MYO5B: variants seen among roughly 807,000 people sequenced by gnomAD.
MYO5B encodes the protein unconventional myosin-Vb.
Under a neutral mutation model 229.3 loss-of-function variants are expected in MYO5B, and 143 were observed. That is an observed-to-expected ratio of 0.62 (90% CI 0.54 to 0.72). MYO5B has a LOEUF of 0.72. Among genes scored for constraint, MYO5B ranks in the 30% least tolerant of loss-of-function variants. The probability of loss-of-function intolerance (pLI) is 0.00; values close to 1 mark genes in which losing one functional copy is unlikely to be tolerated. For missense variants in MYO5B, 2,321 were observed against 2,331.0 expected, an observed-to-expected ratio of 1.00 and a Z score of 0.09; for synonymous variants, 918 against 885.2, an observed-to-expected ratio of 1.04 and a Z score of -0.66.
At chr18:49,867,708 G>T (rs1405056410) in intron 27 of MYO5B, among the ~76,000 whole-genome samples, 1 of 152,140 alleles carries the variant, frequency 6.6e-6, no homozygotes, top group African/African-American at 2.4e-5. Flanking sequence ...GCACAATTTT[G>T]AATAAGGGTT....
intron 22 of MYO5B, 154 bp from the exon 23 acceptor site, chr18:49,880,609 G>T (rs1178299246): frequency 1.1e-5 from 8 of 697,070 alleles, no homozygotes; most frequent in Non-Finnish European, 1.8e-5. Context: ...GAAAAATTGT[G>T]TACTGAAAGA....
intron 1 of MYO5B, among the ~76,000 whole-genome samples, chr18:50,167,004 G>A (rs1599072616): frequency 6.6e-6 from 1 of 152,286 alleles, no homozygotes; most frequent in Admixed American, 6.5e-5. Flanking sequence ...AAGACGCCTG[G>A]AAAGTCTTTA....
At chr18:49,931,547 G>C (rs1002897415) in intron 16 of MYO5B, among the ~76,000 whole-genome samples, 1 of 152,152 alleles carries the variant, frequency 6.6e-6, no homozygotes, top group African/African-American at 2.4e-5. Flanking sequence ...CTTAGTGCGA[G>C]GGCCTTACAG....
In MYO5B at chr18:49,962,548, C is replaced by T. The variant is rs540397634; in HGVS notation, c.1405-142G>A. 2.6e-4 allele frequency: 313 copies of T among 1,219,714 alleles called. 4 individuals are homozygous for T. The South Asian group carries it at 3.6e-3, about 14-fold the overall frequency. The allele number at this position is 1,219,714 out of a possible 1,614,324, so 75.6% of individuals were successfully genotyped here. A position where few individuals can be genotyped will look rare whatever the true frequency, so the allele number is the denominator to read the frequency against. On this transcript the variant is annotated intron_variant, in intron 11 of 39. Transcript: ENST00000285039. ...TTTGGATGCTAAGTCATAGTTATGACTGCAGAAAAGCAAAGCACAGTTAGG... is the reference window on the plus strand; with the variant it reads ...TTTGGATGCTAAGTCATAGTTATGATTGCAGAAAAGCAAAGCACAGTTAGG...
At chr18:50,189,142 G>A (rs76888397) in intron 1 of MYO5B, among the ~76,000 whole-genome samples, 14,061 of 152,236 alleles carry the variant, frequency 0.092, 1,035 homozygotes, top group African/African-American at 0.21. Context: ...AGGGGCCAAA[G>A]CCCTTGAGAT....
chr18:50,185,675 A>G (rs963043619), intron 1 of MYO5B, among the ~76,000 whole-genome samples: 2 of 152,262 alleles, frequency 1.3e-5, no homozygotes, highest in African/African-American at 4.8e-5. Flanking sequence ...ACTGTCAACA[A>G]AAAACAAAAG....
At position 49,994,138 on chromosome 18, in the gene MYO5B, A is replaced by G. The variant is rs535785617; in HGVS notation, c.613-1707T>C. 5.9e-5 allele frequency among the ~76,000 whole-genome samples: 9 copies of G among 152,110 alleles called. No individual in the cohort carries two copies. In the South Asian group the frequency reaches 1.7e-3, roughly 28 times the overall value. On this transcript the variant is annotated intron_variant, in intron 5 of 39. Coordinates refer to ENST00000285039, the MANE Select transcript of MYO5B (RefSeq NM_001080467.3). ...TCTTCAGGCAAGCAAGCCTTCCCTG[A>G]TCCCGAGACTAGGGGAGCACCTCCT...
chr18:49,976,023 T>C (rs1016098674), intron 9 of MYO5B, among the ~76,000 whole-genome samples: 4 of 152,372 alleles, frequency 2.6e-5, no homozygotes, highest in South Asian at 2.1e-4. Context: ...TGAGAAAACC[T>C]GCTCATCGTT....
chr18:49,876,933 CAT>C (rs1289989776), intron 25 of MYO5B, among the ~76,000 whole-genome samples: 3 of 152,220 alleles, frequency 2.0e-5, no homozygotes, highest in Admixed American at 1.3e-4. Flanking sequence ...AATCATATCA[CAT>C]GTTTCTTCCC....
chr18:50,006,177 G>GA (rs2026098982), intron 4 of MYO5B, among the ~76,000 whole-genome samples: 2 of 152,186 alleles, frequency 1.3e-5, no homozygotes, highest in African/African-American at 4.8e-5. Flanking sequence ...AGTAGGGGTA[G>GA]GGAAAAGCTT....
intron 9 of MYO5B, among the ~76,000 whole-genome samples, chr18:49,976,248 A>G (rs2025749473): frequency 6.6e-6 from 1 of 152,236 alleles, no homozygotes; most frequent in Non-Finnish European, 1.5e-5. Context: ...GGGCTTAATG[A>G]AAATTAACAC....
intron 8 of MYO5B, among the ~76,000 whole-genome samples, chr18:49,982,062 C>G (rs2025821615): frequency 6.6e-6 from 1 of 152,154 alleles, no homozygotes; most frequent in Non-Finnish European, 1.5e-5. Flanking sequence ...ACTCCCTAGA[C>G]AGTAGCTTTT....
intron 16 of MYO5B, among the ~76,000 whole-genome samples, chr18:49,934,904 A>C (rs2144206892): frequency 6.6e-6 from 1 of 152,336 alleles, no homozygotes; most frequent in East Asian, 1.9e-4. Context: ...GTTATTTCAC[A>C]GAAAGAAATT....
At chr18:50,071,918 A>G (rs1241173766) in intron 1 of MYO5B, among the ~76,000 whole-genome samples, 1 of 152,230 alleles carries the variant, frequency 6.6e-6, no homozygotes, top group Non-Finnish European at 1.5e-5. Context: ...ATTTCTGTTA[A>G]CAGGAGACAA....
At chr18:49,989,602 C>T (rs1233548390) in intron 7 of MYO5B, among the ~76,000 whole-genome samples, 1 of 152,152 alleles carries the variant, frequency 6.6e-6, no homozygotes, top group Non-Finnish European at 1.5e-5. Context: ...TAAGGACCCA[C>T]ACAGAGAAGG....
Position 49,864,009 on chromosome 18 carries a change from A to C in MYO5B, c.3843+132T>G, listed in dbSNP as rs1165248630. The C allele has an allele frequency of 2.2e-6, 3 of 1,366,518 alleles. No individual in the cohort carries two copies. In the African/African-American group the frequency reaches 4.3e-5, roughly 20 times the overall value. 84.6% of individuals were successfully genotyped at this position (1,366,518 alleles called of 1,614,324 possible). ...CAAGGCTTTTGCTCTGCCTTTTTGG[A>C]GGAGACCCCACAGCGAGAGACTCTG... is the stretch of plus-strand genomic sequence containing the variant. On this transcript the variant is annotated intron_variant, in intron 28 of 39. Transcript: ENST00000285039.
At position 49,962,977 on chromosome 18, in the gene MYO5B, T is replaced by C. The variant is rs1207737174; in HGVS notation, c.1376A>G (p.Asn459Ser). ...GTTGAACTGCTGCTGGAGCTTTTCA[T>C]TTGCATAGTTGATACAGAACTGCTC... is the stretch of plus-strand genomic sequence containing the variant. ...SFEQFCINYA[N>S]EKLQQQFNSH... The change falls in exon 11 of 40, where the codon AAT becomes AGT. Residue 459 changes from asparagine (N) to serine (S), a missense_variant. Physicochemically the swap from Asn to Ser is conservative, Grantham distance 46 (BLOSUM62 1). Transcript: ENST00000285039. The C allele has an allele frequency of 6.2e-6, 10 of 1,614,124 alleles. No homozygotes were observed. The highest frequency in any genetic ancestry group is 7.6e-6 in the Non-Finnish European group (9 of 1,179,994).
At position 50,001,082 on chromosome 18, in the gene MYO5B, A is replaced by T. The variant is rs559943346; in HGVS notation, c.612+173T>A. ...CCCAGTACTGGGAACCTAAAGACAC[A>T]ACCAGGTCAACATCCATGGTTTTAG... On this transcript the variant is annotated intron_variant, in intron 5 of 39. Transcript: ENST00000285039. Among the ~76,000 whole-genome samples the T allele has an allele frequency of 1.3e-3, 191 of 152,318 alleles. 1 individual carries two copies. Among genetic ancestry groups the T allele is most frequent in the African/African-American group, 4.4e-3 (184 of 41,574 alleles).
chr18:50,120,362 C>T (rs2032037696), intron 1 of MYO5B, among the ~76,000 whole-genome samples: 1 of 152,240 alleles, frequency 6.6e-6, no homozygotes, highest in South Asian at 2.1e-4. Flanking sequence ...CCTTGCCTGA[C>T]TCACTAAAGG....
Sources: gnomAD v4.1 joint callset for allele counts (sites outside exome capture counted in the v4.1 genomes callset) on GRCh38, gnomAD v4.1.1 for gene constraint, MANE v1.5 for transcripts, NCBI Gene and HGNC (gene_info 2026-07-23, HGNC 2026-07-21) for gene names.